SGK3: variants seen among roughly 807,000 people sequenced by gnomAD.
The protein encoded by SGK3 is serine/threonine-protein kinase Sgk3.
A neutral mutation model predicts 68.5 loss-of-function variants in SGK3; 47 were observed. That is an observed-to-expected ratio of 0.69 (90% CI 0.54 to 0.87). The LOEUF (loss-of-function observed/expected upper bound fraction) is 0.87. SGK3 is among the 40% of genes least tolerant of loss of function. The probability of loss-of-function intolerance (pLI) is 0.00; values close to 1 mark genes in which losing one functional copy is unlikely to be tolerated. For synonymous variants in SGK3, 181 were observed against 189.1 expected, an observed-to-expected ratio of 0.96 and a Z score of 0.35; for missense variants, 479 against 575.5, an observed-to-expected ratio of 0.83 and a Z score of 1.72.
intron 1 of SGK3, among the ~76,000 whole-genome samples, chr8:66,740,414 G>T (rs1433753025): frequency 6.6e-6 from 1 of 152,170 alleles, no homozygotes; most frequent in Non-Finnish European, 1.5e-5. Context: ...AATGTAGCTT[G>T]AGTCTCAGCA....
chr8:66,788,201 T>G (rs1263076816), intron 1 of SGK3, among the ~76,000 whole-genome samples: 3 of 152,246 alleles, frequency 2.0e-5, no homozygotes, highest in Non-Finnish European at 4.4e-5. Flanking sequence ...TGCAGTTTAC[T>G]TGTGCCGTCC....
intron 1 of SGK3, among the ~76,000 whole-genome samples, chr8:66,747,656 C>G (rs1805691028): frequency 6.6e-6 from 1 of 152,064 alleles, no homozygotes; most frequent in South Asian, 2.1e-4. Flanking sequence ...CTCCTGGGCT[C>G]AAGTGATCCT....
At chr8:66,773,146 C>T (rs1272853575) in intron 1 of SGK3, among the ~76,000 whole-genome samples, 1 of 152,124 alleles carries the variant, frequency 6.6e-6, no homozygotes, top group Non-Finnish European at 1.5e-5. Context: ...GTTGTGGATT[C>T]TGTACATTGA....
At chr8:66,796,659 T>G (rs1158028002) in intron 2 of SGK3, among the ~76,000 whole-genome samples, 2 of 152,104 alleles carry the variant, frequency 1.3e-5, no homozygotes, top group African/African-American at 4.8e-5. Context: ...ACCATGAAGC[T>G]TCTAACAGGG....
intron 2 of SGK3, among the ~76,000 whole-genome samples, chr8:66,796,096 G>A (rs1807669599): frequency 6.6e-6 from 1 of 151,930 alleles, no homozygotes; most frequent in African/African-American, 2.4e-5. Flanking sequence ...CACAGATGCT[G>A]TGTTCAGCCT....
chr8:66,852,501 G>A (rs866507005), intron 16 of SGK3, among the ~76,000 whole-genome samples: 2 of 151,844 alleles, frequency 1.3e-5, no homozygotes. Flanking sequence ...AGATGGTGTC[G>A]ATCTTTTGAC....
intron 1 of SGK3, among the ~76,000 whole-genome samples, chr8:66,744,534 T>TG (rs1805591306): frequency 1.6e-5 from 2 of 124,100 alleles, no homozygotes; most frequent in African/African-American, 5.8e-5. Flanking sequence ...TTTTTTTTTT[T>TG]TTTTTTTTTT....
chr8:66,817,106 C>T (rs1808619297), intron 5 of SGK3, among the ~76,000 whole-genome samples: 1 of 152,060 alleles, frequency 6.6e-6, no homozygotes, highest in South Asian at 2.1e-4. Context: ...AGGCATGAGC[C>T]ACCGTGCCCA....
At chr8:66,853,462 G>T (rs1162821822) in intron 16 of SGK3, among the ~76,000 whole-genome samples, 2 of 152,150 alleles carry the variant, frequency 1.3e-5, no homozygotes, top group Non-Finnish European at 2.9e-5. Context: ...TTTCCAATCG[G>T]TTAGTGTTTT....
intron 13 of SGK3, among the ~76,000 whole-genome samples, chr8:66,842,445 C>T (rs1451247613): frequency 6.6e-6 from 1 of 152,018 alleles, no homozygotes; most frequent in Non-Finnish European, 1.5e-5. Flanking sequence ...TGGTCTCGAT[C>T]TCCTGACCTT....
At position 66,729,952 on chromosome 8, in the gene SGK3, G is replaced by A. The variant is rs1024249592; in HGVS notation, c.-122+17119G>A. ...GTGGAGATGGGGTTTCACCATGTTG[G>A]CCAGTCTTCAAACTCTCGACCTCAG... On this transcript the variant is annotated intron_variant, in intron 1 of 16. Coordinates refer to ENST00000521198, the MANE Select transcript of SGK3 (RefSeq NM_001033578.3). Among the ~76,000 whole-genome samples the A allele has an allele frequency of 4.6e-5, 7 of 152,004 alleles. No individual in the cohort carries two copies. The South Asian group carries it at 1.0e-3, about 23-fold the overall frequency.
At chr8:66,781,746 T>C (rs1806992915) in intron 1 of SGK3, among the ~76,000 whole-genome samples, 1 of 152,234 alleles carries the variant, frequency 6.6e-6, no homozygotes, top group Admixed American at 6.5e-5. Context: ...TTAATTCATA[T>C]ATCACTTTTA....
chr8:66,845,794 G>GTT (rs1809988548), intron 14 of SGK3, among the ~76,000 whole-genome samples: 1 of 151,726 alleles, frequency 6.6e-6, no homozygotes, highest in Admixed American at 6.6e-5. Flanking sequence ...CTGAGCTCTA[G>GTT]TGATCTGCCC....
intron 1 of SGK3, among the ~76,000 whole-genome samples, chr8:66,757,489 T>TC (rs1806014574): frequency 6.6e-6 from 1 of 151,986 alleles, no homozygotes; most frequent in Non-Finnish European, 1.5e-5. Flanking sequence ...GGCCAGTGTT[T>TC]CTCAAACATT....
At chr8:66,805,499 G>A (rs541532045) in intron 4 of SGK3, among the ~76,000 whole-genome samples, 11 of 146,248 alleles carry the variant, frequency 7.5e-5, no homozygotes, top group Admixed American at 2.1e-4. Flanking sequence ...CAGCCTGGGC[G>A]ACAGAGCGAG....
intron 11 of SGK3, 31 bp from the exon 12 acceptor site, chr8:66,840,180 G>A (rs1420016292): frequency 2.5e-6 from 4 of 1,596,874 alleles, no homozygotes; most frequent in East Asian, 2.2e-5. Context: ...TTTGTATTCA[G>A]TTTTGCGTTT....
chr8:66,804,114 T>TA (rs1808060042), intron 3 of SGK3, among the ~76,000 whole-genome samples: 1 of 152,180 alleles, frequency 6.6e-6, no homozygotes, highest in Non-Finnish European at 1.5e-5. Context: ...ATCCTCATTT[T>TA]ATAGGCAGGA....
chr8:66,731,533 T>TTTTG (rs1219573381), intron 1 of SGK3, among the ~76,000 whole-genome samples: 4 of 152,142 alleles, frequency 2.6e-5, no homozygotes, highest in African/African-American at 4.8e-5. Context: ...TATTTATTTA[T>TTTTG]TTTGTTTGTT....
At chr8:66,803,219 A>C (rs1332694550) in intron 3 of SGK3, among the ~76,000 whole-genome samples, 2 of 152,096 alleles carry the variant, frequency 1.3e-5, no homozygotes, top group Non-Finnish European at 2.9e-5. Context: ...CGTATTTTTC[A>C]GTCTGCATTT....
Sources: allele counts gnomAD v4.1 joint callset (sites outside exome capture counted in the v4.1 genomes callset), GRCh38; gene constraint gnomAD v4.1.1; transcripts MANE v1.5; gene names NCBI Gene and HGNC (gene_info 2026-07-23, HGNC 2026-07-21).